CAMTA1: variants seen among roughly 807,000 people sequenced by gnomAD.
CAMTA1 encodes calmodulin binding transcription activator 1.
Under a neutral mutation model 170.9 loss-of-function variants are expected in CAMTA1, and 27 were observed. The observed-to-expected ratio is 0.16, with a 90% CI of 0.12 to 0.22. The LOEUF (loss-of-function observed/expected upper bound fraction) is 0.22, where lower values mean the gene tolerates loss of function less well. Ranked by LOEUF, CAMTA1 falls within the 10% of genes least tolerant of loss-of-function variation. CAMTA1 has a pLI of 1.00. For missense variants in CAMTA1, 1,619 were observed against 2,217.2 expected (o/e 0.73, Z 5.42); for synonymous variants, 833 against 891.5 (o/e 0.93, Z 1.17).
chr1:7,031,079 C>T (rs1407494163), intron 3 of CAMTA1, among the ~76,000 whole-genome samples: 1 of 150,480 alleles, frequency 6.6e-6, no homozygotes, highest in South Asian at 2.1e-4. Context: ...GATCTCCTGA[C>T]CTCGTGATCC....
chr1:7,678,337 G>A (rs537339329), intron 11 of CAMTA1, among the ~76,000 whole-genome samples: 6 of 152,310 alleles, frequency 3.9e-5, no homozygotes, highest in South Asian at 2.1e-4. Context: ...TGGCCTGTAC[G>A]GCGTCTGTGG....
At chr1:7,711,828 CCTAAAA>C (rs1410078511) in intron 11 of CAMTA1, among the ~76,000 whole-genome samples, 1 of 152,106 alleles carries the variant, frequency 6.6e-6, no homozygotes, top group Non-Finnish European at 1.5e-5. Context: ...AAGTACTTAG[CCTAAAA>C]CTGATGATTC....
chr1:6,964,366 G>A (rs1303161296), intron 3 of CAMTA1, among the ~76,000 whole-genome samples: 1 of 152,110 alleles, frequency 6.6e-6, no homozygotes, highest in Non-Finnish European at 1.5e-5. Context: ...GCAGCGTCCT[G>A]GCTGTTTTGT....
intron 3 of CAMTA1, among the ~76,000 whole-genome samples, chr1:7,081,567 A>G (rs750031287): frequency 2.4e-4 from 36 of 152,162 alleles, no homozygotes; most frequent in Admixed American, 3.3e-4. Flanking sequence ...GATTGCCTAT[A>G]TTGGTTCATG....
chr1:7,566,126 T>C (rs901626609), intron 6 of CAMTA1, among the ~76,000 whole-genome samples: 1 of 152,164 alleles, frequency 6.6e-6, no homozygotes, highest in African/African-American at 2.4e-5. Context: ...TTGAAATCAC[T>C]TTGGAAAAAA....
chr1:7,191,595 A>G (rs1342290742), intron 4 of CAMTA1, among the ~76,000 whole-genome samples: 7 of 152,248 alleles, frequency 4.6e-5, no homozygotes, highest in Non-Finnish European at 8.8e-5. Flanking sequence ...AATTAATAAA[A>G]TCAGCTTAAC....
At chr1:7,112,883 G>A (rs985563867) in intron 4 of CAMTA1, among the ~76,000 whole-genome samples, 2 of 152,164 alleles carry the variant, frequency 1.3e-5, no homozygotes, top group Non-Finnish European at 2.9e-5. Context: ...ACTTCCTTGC[G>A]CGGAGGTGGG....
chr1:7,619,317 G>A (rs1027456134), intron 6 of CAMTA1, among the ~76,000 whole-genome samples: 1 of 152,214 alleles, frequency 6.6e-6, no homozygotes, highest in East Asian at 1.9e-4. Flanking sequence ...TGCAGGGTCA[G>A]CCTATTCAGG....
chr1:7,227,972 G>A (rs958826829), intron 4 of CAMTA1, among the ~76,000 whole-genome samples: 7 of 152,186 alleles, frequency 4.6e-5, no homozygotes, highest in South Asian at 2.1e-4. Flanking sequence ...AAAGGTTGTC[G>A]CCAGGCTTTG....
intron 6 of CAMTA1, among the ~76,000 whole-genome samples, chr1:7,533,793 A>G (rs531406957): frequency 6.6e-6 from 1 of 152,110 alleles, no homozygotes; most frequent in East Asian, 1.9e-4. Flanking sequence ...TGCACCTGTA[A>G]TCCCAGCTAC....
intron 5 of CAMTA1, among the ~76,000 whole-genome samples, chr1:7,446,556 T>A (rs888913775): frequency 1.3e-5 from 2 of 152,162 alleles, no homozygotes; most frequent in African/African-American, 4.8e-5. Context: ...ACTTGCCTAC[T>A]GGGCGAATGA....
intron 4 of CAMTA1, among the ~76,000 whole-genome samples, chr1:7,129,935 GT>G (rs1645150038): frequency 6.6e-6 from 1 of 151,710 alleles, no homozygotes; most frequent in Admixed American, 6.6e-5. Context: ...GTGTGTGTGT[GT>G]GTGTGTGTGT....
intron 3 of CAMTA1, among the ~76,000 whole-genome samples, chr1:7,033,160 T>C (rs1392918329): frequency 1.3e-5 from 2 of 152,222 alleles, no homozygotes; most frequent in Non-Finnish European, 2.9e-5. Context: ...ATCTTCTGCA[T>C]AGGGAACTTT....
intron 3 of CAMTA1, among the ~76,000 whole-genome samples, chr1:6,926,370 TTC>T (rs955629797): frequency 2.1e-5 from 3 of 144,976 alleles, no homozygotes; most frequent in African/African-American, 7.5e-5. Flanking sequence ...CTTCCTTCCT[TTC>T]TCTTTCTTTC....
chr1:7,727,414 G>A (rs530086832), intron 11 of CAMTA1, among the ~76,000 whole-genome samples: 2 of 152,146 alleles, frequency 1.3e-5, no homozygotes, highest in African/African-American at 4.8e-5. Flanking sequence ...GAGCCACCGC[G>A]CCCAGCCTCT....
At chr1:7,002,184 C>T (rs550531862) in intron 3 of CAMTA1, among the ~76,000 whole-genome samples, 3 of 152,214 alleles carry the variant, frequency 2.0e-5, no homozygotes, top group Non-Finnish European at 1.5e-5. Context: ...TGTTAGCCAC[C>T]GCACCCGGAC....
intron 5 of CAMTA1, among the ~76,000 whole-genome samples, chr1:7,385,287 C>T (rs2087821915): frequency 6.6e-6 from 1 of 152,064 alleles, no homozygotes; most frequent in Non-Finnish European, 1.5e-5. Flanking sequence ...GACAAGGTTT[C>T]ACCGTGTTAG....
intron 6 of CAMTA1, among the ~76,000 whole-genome samples, chr1:7,470,518 T>C: frequency 6.6e-6 from 1 of 152,192 alleles, no homozygotes; most frequent in East Asian, 1.9e-4. Context: ...GTGCCCATGT[T>C]GGGAGCTGAG....
chr1:7,073,904 A>G (rs750566733), intron 3 of CAMTA1, among the ~76,000 whole-genome samples: 7 of 152,170 alleles, frequency 4.6e-5, no homozygotes, highest in Non-Finnish European at 8.8e-5. Context: ...TTAAAATTCT[A>G]TTTCCTGATC....
Sources: gnomAD v4.1 joint callset for allele counts (sites outside exome capture counted in the v4.1 genomes callset) on GRCh38, gnomAD v4.1.1 for gene constraint, MANE v1.5 for transcripts, NCBI Gene and HGNC (gene_info 2026-07-23, HGNC 2026-07-21) for gene names.